The following ZNF841 variants were observed in gnomAD, a reference collection of about 807,000 sequenced individuals.
ZNF841 encodes the protein zinc finger protein 841, also known as TCONS_00006091.
ZNF841 carries 11 observed loss-of-function variants against 13.0 expected under a neutral mutation model. That is an observed-to-expected ratio of 0.85 (90% CI 0.53 to 1.40). ZNF841 has a LOEUF of 1.40. Among genes scored for constraint, ZNF841 ranks in the 40% most tolerant of loss-of-function variants. The pLI, the probability that ZNF841 is intolerant of heterozygous loss-of-function variation, is 0.00. For missense variants in ZNF841, 1,068 were observed against 1,139.5 expected, an observed-to-expected ratio of 0.94 and a Z score of 0.90; for synonymous variants, 369 against 381.6, an observed-to-expected ratio of 0.97 and a Z score of 0.38.
At chr19:52,083,077 C>A (rs2088150770) in intron 4 of ZNF841, among the ~76,000 whole-genome samples, 1 of 139,710 alleles carries the variant, frequency 7.2e-6, no homozygotes, top group African/African-American at 2.5e-5. Context: ...AAGACTCCGT[C>A]TCAAAAAAAA....
intron 2 of ZNF841, among the ~76,000 whole-genome samples, chr19:52,089,732 A>G (rs983060275): frequency 1.3e-5 from 2 of 152,216 alleles, no homozygotes; most frequent in Non-Finnish European, 2.9e-5. Flanking sequence ...ATTCCTTTCC[A>G]AGAGTTCCAC....
chr19:52,064,834 A>G lies in ZNF841; in HGVS notation c.*273T>C, dbSNP rs1052804768. The G allele has an allele frequency of 1.3e-5, 3 of 236,508 alleles. No homozygotes were observed. The highest frequency in any genetic ancestry group is 2.3e-5 in the African/African-American group (1 of 44,336). 14.7% of individuals were successfully genotyped at this position (236,508 alleles called of 1,614,324 possible). On this transcript the variant is annotated 3_prime_UTR_variant, in exon 7 of 7. Coordinates refer to ENST00000594440, the MANE Select transcript of ZNF841 (RefSeq NM_001136499.2). ...TTTTTGGCAGAAACAGGGTTTCACC[A>G]TGTTGGCCAGGCTGCTCTTGAACTC... is the stretch of plus-strand genomic sequence containing the variant.
At position 52,064,771 on chromosome 19, in the gene ZNF841, C is replaced by T; in HGVS notation, c.*336G>A. 6.0e-6 allele frequency: 1 copy of T among 166,334 alleles called. No homozygotes were observed. The allele number at this position is 166,334 out of a possible 1,614,324, so 10.3% of individuals were successfully genotyped here. On this transcript the variant is annotated 3_prime_UTR_variant, in exon 7 of 7. Transcript: ENST00000594440. ...GACTCAGCCTCTCGAGTAGCTGGTACTACCAGTACCCGCCACGAAGCCCAG... is the reference window on the plus strand; with the variant it reads ...GACTCAGCCTCTCGAGTAGCTGGTATTACCAGTACCCGCCACGAAGCCCAG...
intron 3 of ZNF841, among the ~76,000 whole-genome samples, chr19:52,088,607 C>T (rs940049419): frequency 2.0e-5 from 3 of 152,144 alleles, no homozygotes; most frequent in Non-Finnish European, 2.9e-5. Flanking sequence ...ATCATAACTG[C>T]ATTAATGAAC....
At chr19:52,085,918 C>G (rs1329929684) in intron 3 of ZNF841, among the ~76,000 whole-genome samples, 1 of 152,192 alleles carries the variant, frequency 6.6e-6, no homozygotes, top group Non-Finnish European at 1.5e-5. Context: ...TGAATTAAAG[C>G]ACTTCTTTTT....
At chr19:52,088,177 C>T (rs769111683) in intron 3 of ZNF841, among the ~76,000 whole-genome samples, 4 of 152,160 alleles carry the variant, frequency 2.6e-5, no homozygotes, top group East Asian at 3.9e-4. Context: ...TATGGCAGTA[C>T]AGTTCTGGGT....
At chr19:52,089,237 C>T (rs2088391493) in intron 2 of ZNF841, among the ~76,000 whole-genome samples, 1 of 152,008 alleles carries the variant, frequency 6.6e-6, no homozygotes, top group East Asian at 1.9e-4. Flanking sequence ...GAGTTTGATG[C>T]CAGCAAAATA....
chr19:52,073,961 T>G (rs1468130570), intron 6 of ZNF841, among the ~76,000 whole-genome samples: 1 of 152,166 alleles, frequency 6.6e-6, no homozygotes, highest in African/African-American at 2.4e-5. Flanking sequence ...AGATAGTAAC[T>G]TAAAAAATTA....
downstream of ZNF841, chr19:52,063,509 G>C (rs1228584151): frequency 6.6e-6 from 1 of 152,016 alleles, no homozygotes; most frequent in African/African-American, 2.4e-5. Flanking sequence ...CCACTGCCCA[G>C]CTAATTTTTG....
At chr19:52,064,422 T>C (rs2087472309), downstream of ZNF841, 2 of 144,828 alleles carry the variant, frequency 1.4e-5, no homozygotes, top group African/African-American at 5.0e-5. Context: ...GTAAATATAT[T>C]AGGCCATAAT....
intron 2 of ZNF841, among the ~76,000 whole-genome samples, chr19:52,090,128 T>G (rs1177936922): frequency 2.0e-5 from 3 of 152,020 alleles, no homozygotes. Context: ...TTCTATACAC[T>G]AAAGACAAAA....
intron 5 of ZNF841, chr19:52,076,437 A>T: frequency 2.8e-6 from 1 of 357,780 alleles, no homozygotes; most frequent in Non-Finnish European, 5.3e-6. Flanking sequence ...CCAAGACGGG[A>T]AGATGACTTG....
In ZNF841 at chr19:52,066,481, A is replaced by G. The variant is rs1211092510; in HGVS notation, c.1401T>C (p.Phe467=). ...YKCNECGKVF[F]QRSRLAGHRR... ...GGTGCCCTGCAAGACGTGAACGTTG[A>G]AAGAAGACCTTGCCACATTCATTAC... Residue 467 remains phenylalanine (F), a synonymous_variant, in exon 7 of 7, where the codon TTT becomes TTC. Coordinates refer to ENST00000594440, the MANE Select transcript of ZNF841 (RefSeq NM_001136499.2). 6.2e-7 allele frequency: 1 copy of G among 1,613,900 alleles called. No homozygotes were observed. Among genetic ancestry groups the G allele is most frequent in the East Asian group, 2.2e-5 (1 of 44,834 alleles).
chr19:52,078,980 T>G (rs1170836847), intron 4 of ZNF841, among the ~76,000 whole-genome samples: 1 of 152,162 alleles, frequency 6.6e-6, no homozygotes, highest in Admixed American at 6.5e-5. Flanking sequence ...TTTAAATCAT[T>G]ATTCTTAGAC....
intron 4 of ZNF841, among the ~76,000 whole-genome samples, chr19:52,084,031 G>A (rs765639990): frequency 6.6e-6 from 1 of 151,984 alleles, no homozygotes; most frequent in Non-Finnish European, 1.5e-5. Flanking sequence ...TTGGTGGAAT[G>A]ACAGAATTTG....
chr19:52,074,473 G>A lies in ZNF841; in HGVS notation c.271+1571C>T. 1.3e-5 allele frequency among the ~76,000 whole-genome samples: 2 copies of A among 152,138 alleles called. 1 individual carries two copies. The highest frequency in any genetic ancestry group is 3.8e-4 in the East Asian group (2 of 5,202). On this transcript the variant is annotated intron_variant, in intron 6 of 6. Coordinates refer to ENST00000594440, the MANE Select transcript of ZNF841 (RefSeq NM_001136499.2). ...GGCATGAGCAGTGGTTCAGGCAACA[G>A]CCCTGCAGAGATGAAGCTGTGAACC...
intron 6 of ZNF841, among the ~76,000 whole-genome samples, chr19:52,070,573 C>G (rs1484801313): frequency 6.6e-6 from 1 of 152,208 alleles, no homozygotes; most frequent in Non-Finnish European, 1.5e-5. Flanking sequence ...CTTCTGTCAG[C>G]AGGAGCAGTC....
At chr19:52,090,387 T>A (rs1285243498) in intron 2 of ZNF841, among the ~76,000 whole-genome samples, 1 of 151,792 alleles carries the variant, frequency 6.6e-6, no homozygotes, top group African/African-American at 2.4e-5. Context: ...ATAGTGAGAC[T>A]CTTTCTCTAC....
chr19:52,074,250 T>C (rs1003150293), intron 6 of ZNF841, among the ~76,000 whole-genome samples: 6 of 152,160 alleles, frequency 3.9e-5, no homozygotes, highest in Non-Finnish European at 8.8e-5. Context: ...AAACTGAGTA[T>C]CCTCAAAAAT....
Sources: gnomAD v4.1 joint callset for allele counts (sites outside exome capture counted in the v4.1 genomes callset) on GRCh38, gnomAD v4.1.1 for gene constraint, MANE v1.5 for transcripts, NCBI Gene and HGNC (gene_info 2026-07-23, HGNC 2026-07-21) for gene names.